MEGF9: variants seen among roughly 807,000 people sequenced by gnomAD.
The protein encoded by MEGF9 is multiple epidermal growth factor-like domains protein 9.
Under a neutral mutation model 46.8 loss-of-function variants are expected in MEGF9, and 6 were observed. The ratio of observed to expected loss-of-function variants is 0.13; its 90% CI spans 0.07 to 0.25. The LOEUF (loss-of-function observed/expected upper bound fraction) is 0.25. MEGF9 is among the 10% of genes least tolerant of loss of function. The probability of loss-of-function intolerance (pLI) is 1.00; values close to 1 mark genes in which losing one functional copy is unlikely to be tolerated. For synonymous variants in MEGF9, 302 were observed against 330.7 expected, an observed-to-expected ratio of 0.91 and a Z score of 0.94; for missense variants, 683 against 792.4, an observed-to-expected ratio of 0.86 and a Z score of 1.66.
chr9:120,648,252 C>T (rs1186280165), intron 2 of MEGF9, among the ~76,000 whole-genome samples: 4 of 151,202 alleles, frequency 2.6e-5, no homozygotes, highest in Admixed American at 6.6e-5. Context: ...GGTTTGGCCC[C>T]GTTTATTCTT....
chr9:120,675,887 C>CAAAAAAAAAAAAA (rs1173047863), intron 1 of MEGF9, among the ~76,000 whole-genome samples: 1 of 58,170 alleles, frequency 1.7e-5, no homozygotes. Context: ...GACTCCATCT[C>CAAAAAAAAAAAAA]AAAAAAAAAA....
At chr9:120,622,136 G>A (rs1182580617) in intron 3 of MEGF9, among the ~76,000 whole-genome samples, 2 of 152,162 alleles carry the variant, frequency 1.3e-5, no homozygotes, top group East Asian at 3.9e-4. Flanking sequence ...TCCATCTTTT[G>A]CATAGTCGGC....
rs185008650 is a variant in MEGF9, at chr9:120,654,063, C to G, written c.803+5311G>C. Among the ~76,000 whole-genome samples the G allele has an allele frequency of 5.1e-4, 78 of 152,266 alleles. 1 individual carries two copies. The highest frequency in any genetic ancestry group is 6.9e-4 in the Non-Finnish European group (47 of 68,026). ...GAGGCTGGGAAGAACACTCTGAGAGCAGCAATGAAGAGTAAGAGAGATATC... is the reference window on the plus strand; with the variant it reads ...GAGGCTGGGAAGAACACTCTGAGAGGAGCAATGAAGAGTAAGAGAGATATC... On this transcript the variant is annotated intron_variant, in intron 2 of 5. Transcript: ENST00000373930.
At position 120,714,035 on chromosome 9, in the gene MEGF9, A is replaced by G; in HGVS notation, c.324T>C (p.Thr108=). Residue 108 remains threonine (T), a synonymous_variant, in exon 1 of 6, where the codon ACT becomes ACC. Coordinates refer to ENST00000373930, the MANE Select transcript of MEGF9 (RefSeq NM_001080497.3). The part of the protein sequence containing the change: ...QSPETTPLWA[T]AGPSSTTFQA... ...GAAAGGTGGTGGAAGAGGGTCCAGC[A>G]GTCGCCCAAAGAGGGGTGGTCTCCG... 1 of 1,331,198 alleles carries G rather than the reference A, an allele frequency of 7.5e-7. No homozygotes were observed. The highest frequency in any genetic ancestry group is 9.6e-7 in the Non-Finnish European group (1 of 1,037,434). 82.5% of individuals were successfully genotyped at this position (1,331,198 alleles called of 1,614,324 possible). A position where few individuals can be genotyped will look rare whatever the true frequency, so the allele number is the denominator to read the frequency against.
intron 1 of MEGF9, among the ~76,000 whole-genome samples, chr9:120,705,213 T>C (rs536556279): frequency 3.9e-4 from 59 of 152,138 alleles, no homozygotes; most frequent in Non-Finnish European, 6.3e-4. Flanking sequence ...CTAAATTACA[T>C]AGACCAAAAA....
chr9:120,713,507 G>A (rs1183574639), intron 1 of MEGF9, among the ~76,000 whole-genome samples: 2 of 152,146 alleles, frequency 1.3e-5, no homozygotes, highest in African/African-American at 4.8e-5. Flanking sequence ...AGCCCTGTTG[G>A]GAAGAAGATG....
intron 2 of MEGF9, among the ~76,000 whole-genome samples, chr9:120,650,236 G>A (rs372555163): frequency 6.6e-6 from 1 of 152,132 alleles, no homozygotes; most frequent in East Asian, 1.9e-4. Flanking sequence ...AAATCAATGT[G>A]CAATTGTCTA....
intron 1 of MEGF9, among the ~76,000 whole-genome samples, chr9:120,671,795 T>TA (rs1454747461): frequency 1.3e-5 from 2 of 152,148 alleles, no homozygotes; most frequent in Non-Finnish European, 2.9e-5. Flanking sequence ...CAAAACCAGA[T>TA]AAAAACATTA....
rs749240108 is a variant in MEGF9, at chr9:120,607,847, G to T, written c.1251C>A (p.Pro417=). 6.2e-7 allele frequency: 1 copy of T among 1,613,918 alleles called. No homozygotes were observed. The highest frequency in any genetic ancestry group is 2.2e-5 in the East Asian group (1 of 44,882). ...DPVKTPKICK[P]ESGECINCLH... ...GGCAGTTGATGCACTCACCACTCTC[G>T]GGCTTACAAATCTTTGGAGTTTTAA... is the stretch of plus-strand genomic sequence containing the variant. The change falls in exon 5 of 6, where the codon CCC becomes CCA. Residue 417 remains proline (P), a synonymous_variant. Transcript: ENST00000373930.
At chr9:120,684,156 G>A (rs1007851077) in intron 1 of MEGF9, among the ~76,000 whole-genome samples, 14 of 152,166 alleles carry the variant, frequency 9.2e-5, no homozygotes, top group Non-Finnish European at 1.5e-5. Context: ...TTGACAAACT[G>A]TTGTAGCAAT....
intron 2 of MEGF9, among the ~76,000 whole-genome samples, chr9:120,625,853 A>AAGAAAG (rs1554795118): frequency 4.7e-5 from 5 of 106,008 alleles, no homozygotes; most frequent in East Asian, 2.4e-4. Context: ...AAAAAAAAAA[A>AAGAAAG]AAAGAAAGAA....
chr9:120,714,375 T>A lies in MEGF9; in HGVS notation c.-17A>T. 1.6e-6 allele frequency: 2 copies of A among 1,286,806 alleles called. No individual in the cohort carries two copies. Among genetic ancestry groups the A allele is most frequent in the Non-Finnish European group, 2.0e-6 (2 of 1,017,608 alleles). 79.7% of individuals were successfully genotyped at this position (1,286,806 alleles called of 1,614,324 possible). A position where few individuals can be genotyped will look rare whatever the true frequency, so the allele number is the denominator to read the frequency against. Reference sequence around the variant, plus strand: ...GCCATTCATTCATTCAGCCAGTCGGTTGGTCAGTCATCTTCTCCTCGTTGC... The same window carrying A: ...GCCATTCATTCATTCAGCCAGTCGGATGGTCAGTCATCTTCTCCTCGTTGC... On this transcript the variant is annotated 5_prime_UTR_variant, in exon 1 of 6. Coordinates refer to ENST00000373930, the MANE Select transcript of MEGF9 (RefSeq NM_001080497.3).
chr9:120,705,517 T>A (rs114596396), intron 1 of MEGF9, among the ~76,000 whole-genome samples: 2,035 of 147,348 alleles, frequency 0.014, 43 homozygotes, highest in African/African-American at 0.045. Context: ...TGAAAAAAAA[T>A]GAGCAAGGAG....
At chr9:120,659,826 T>C (rs188477111) in intron 1 of MEGF9, among the ~76,000 whole-genome samples, 6 of 150,544 alleles carry the variant, frequency 4.0e-5, no homozygotes, top group Admixed American at 2.7e-4. Flanking sequence ...TGTGTATTAT[T>C]AGTTTTTCTG....
chr9:120,695,374 G>A (rs1313165742), intron 1 of MEGF9, among the ~76,000 whole-genome samples: 2 of 152,040 alleles, frequency 1.3e-5, no homozygotes, highest in Non-Finnish European at 2.9e-5. Flanking sequence ...GGGAAGCCAA[G>A]GCAGGCAAAT....
chr9:120,668,399 T>G (rs1020992312), intron 1 of MEGF9, among the ~76,000 whole-genome samples: 1 of 151,946 alleles, frequency 6.6e-6, no homozygotes, highest in African/African-American at 2.4e-5. Flanking sequence ...AGAAAAGCTT[T>G]AAGTTTTGTT....
intron 1 of MEGF9, among the ~76,000 whole-genome samples, chr9:120,700,294 C>T (rs767085631): frequency 3.9e-5 from 6 of 152,126 alleles, no homozygotes; most frequent in Non-Finnish European, 7.4e-5. Context: ...CCTGCCTTTG[C>T]GGACAAGTTG....
chr9:120,664,975 A>T lies in MEGF9; in HGVS notation c.602-5400T>A, dbSNP rs537123518. ...ATGTGTAATGATCAGATTAAATAGCACATCCATTACCTCAAACATTGATCA... is the reference window on the plus strand; with the variant it reads ...ATGTGTAATGATCAGATTAAATAGCTCATCCATTACCTCAAACATTGATCA... On this transcript the variant is annotated intron_variant, in intron 1 of 5. Coordinates refer to ENST00000373930, the MANE Select transcript of MEGF9 (RefSeq NM_001080497.3). 2.6e-5 allele frequency among the ~76,000 whole-genome samples: 4 copies of T among 152,338 alleles called. No individual in the cohort carries two copies. In the South Asian group the frequency reaches 8.3e-4, roughly 32 times the overall value.
At chr9:120,707,916 A>C (rs913665682) in intron 1 of MEGF9, among the ~76,000 whole-genome samples, 1 of 152,184 alleles carries the variant, frequency 6.6e-6, no homozygotes, top group African/African-American at 2.4e-5. Context: ...ATGGTTGCGC[A>C]TGCCTGTAGT....
Sources: allele counts gnomAD v4.1 joint callset (sites outside exome capture counted in the v4.1 genomes callset), GRCh38; gene constraint gnomAD v4.1.1; transcripts MANE v1.5; gene names NCBI Gene and HGNC (gene_info 2026-07-23, HGNC 2026-07-21).